NAALADL2: variants seen among roughly 807,000 people sequenced by gnomAD.
NAALADL2 encodes the protein inactive N-acetylated-alpha-linked acidic dipeptidase-like protein 2.
Under a neutral mutation model 87.2 loss-of-function variants are expected in NAALADL2, and 76 were observed. The ratio of observed to expected loss-of-function variants is 0.87; its 90% CI spans 0.72 to 1.05. The LOEUF is 1.05. Among genes scored for constraint, NAALADL2 ranks in the 50% least tolerant of loss-of-function variants. The probability of loss-of-function intolerance (pLI) is 0.00; values close to 1 mark genes in which losing one functional copy is unlikely to be tolerated. For synonymous variants in NAALADL2, 354 were observed against 331.0 expected (o/e 1.07, Z -0.75); for missense variants, 1,089 against 945.8 (o/e 1.15, Z -1.99).
intron 1 of NAALADL2, among the ~76,000 whole-genome samples, chr3:175,035,493 T>C (rs1056556933): frequency 3.3e-5 from 5 of 152,082 alleles, no homozygotes; most frequent in African/African-American, 4.8e-5. Context: ...TGGGCCTTTT[T>C]CCCTGACTCT....
At chr3:175,233,423 T>TTTTTG (rs1005915195) in intron 2 of NAALADL2, among the ~76,000 whole-genome samples, 1 of 152,022 alleles carries the variant, frequency 6.6e-6, no homozygotes, top group Non-Finnish European at 1.5e-5. Context: ...TTAGTGGGTT[T>TTTTTG]TTTTGTTTTG....
intron 5 of NAALADL2, among the ~76,000 whole-genome samples, chr3:175,370,573 G>GT (rs1015171843): frequency 6.6e-6 from 1 of 152,004 alleles, no homozygotes; most frequent in Non-Finnish European, 1.5e-5. Context: ...ACTGATGGCC[G>GT]TAAGAGTCAC....
chr3:175,250,026 G>A (rs577754797), intron 3 of NAALADL2, among the ~76,000 whole-genome samples: 59 of 152,052 alleles, frequency 3.9e-4, no homozygotes, highest in Non-Finnish European at 7.8e-4. Context: ...AAAATTAGCC[G>A]GGCGTGGTGG....
chr3:174,727,349 C>A (rs7644550), intron 2 of NAALADL2, among the ~76,000 whole-genome samples: 1,798 of 151,642 alleles, frequency 0.012, 35 homozygotes, highest in African/African-American at 0.041. Flanking sequence ...ATTTCCTTTC[C>A]CAAAATGGGT....
At chr3:175,211,386 A>T (rs1741745435) in intron 2 of NAALADL2, among the ~76,000 whole-genome samples, 1 of 151,960 alleles carries the variant, frequency 6.6e-6, no homozygotes, top group African/African-American at 2.4e-5. Context: ...TAATCTAAGG[A>T]GAAGTAGCTC....
intron 1 of NAALADL2, among the ~76,000 whole-genome samples, chr3:174,497,268 T>G (rs1252059463): frequency 6.6e-6 from 1 of 152,120 alleles, no homozygotes; most frequent in East Asian, 1.9e-4. Flanking sequence ...AGGAAGAACT[T>G]GTTGTCTTCC....
intron 2 of NAALADL2, among the ~76,000 whole-genome samples, chr3:175,117,342 A>G (rs1334890226): frequency 6.6e-6 from 1 of 152,152 alleles, no homozygotes; most frequent in Non-Finnish European, 1.5e-5. Flanking sequence ...AGAATGGGAG[A>G]AAATTTTTAC....
intron 2 of NAALADL2, among the ~76,000 whole-genome samples, chr3:175,151,749 T>C (rs1221599834): frequency 6.6e-6 from 1 of 152,080 alleles, no homozygotes; most frequent in African/African-American, 2.4e-5. Context: ...ATGTAAAAAA[T>C]AGAACTTTTT....
intron 1 of NAALADL2, among the ~76,000 whole-genome samples, chr3:174,870,577 A>G (rs1043333151): frequency 6.9e-6 from 1 of 145,562 alleles, no homozygotes; most frequent in African/African-American, 2.6e-5. Context: ...ATTATTATCA[A>G]TAATAACAAA....
chr3:175,406,020 A>G (rs1712296070), intron 5 of NAALADL2, among the ~76,000 whole-genome samples: 1 of 152,216 alleles, frequency 6.6e-6, no homozygotes, highest in Non-Finnish European at 1.5e-5. Flanking sequence ...TTGGTAATAA[A>G]TAGGACAGAC....
intron 1 of NAALADL2, among the ~76,000 whole-genome samples, chr3:175,087,581 T>G (rs767814755): frequency 3.3e-5 from 5 of 152,186 alleles, no homozygotes; most frequent in Non-Finnish European, 7.3e-5. Context: ...TCTTCTGCCT[T>G]GGGATGCTGT....
intron 11 of NAALADL2, among the ~76,000 whole-genome samples, chr3:175,687,482 C>A (rs1736455558): frequency 6.6e-6 from 1 of 152,124 alleles, no homozygotes; most frequent in African/African-American, 2.4e-5. Flanking sequence ...ATAACAGCCG[C>A]ATTTAATCTT....
intron 5 of NAALADL2, among the ~76,000 whole-genome samples, chr3:175,433,581 C>T (rs184197053): frequency 7.9e-5 from 12 of 152,080 alleles, no homozygotes; most frequent in Non-Finnish European, 1.0e-4. Flanking sequence ...CTATGGCCTT[C>T]GCTGTGACTT....
chr3:175,065,419 A>G (rs746800432), intron 1 of NAALADL2, among the ~76,000 whole-genome samples: 12 of 152,224 alleles, frequency 7.9e-5, no homozygotes, highest in Non-Finnish European at 1.3e-4. Context: ...CTGATTCTAC[A>G]TAGAATTTGC....
Position 174,709,481 on chromosome 3 carries a change from C to A in NAALADL2, c.-114-28160C>A, listed in dbSNP as rs1578631657. On this transcript the variant is annotated intron_variant, in intron 2 of 3. Transcript: ENST00000434257. The stretch of plus-strand genomic sequence containing the variant: ...AAGAAGGCCTAACACTGAAAAACAA[C>A]TCCAAGAAGATGATTCTGGGTTTCT... 2.6e-5 allele frequency among the ~76,000 whole-genome samples: 4 copies of A among 152,208 alleles called. No homozygotes were observed. The South Asian group carries it at 8.3e-4, about 32-fold the overall frequency.
chr3:174,813,573 G>T (rs746690654), intron 3 of NAALADL2, among the ~76,000 whole-genome samples: 1 of 152,122 alleles, frequency 6.6e-6, no homozygotes, highest in African/African-American at 2.4e-5. Flanking sequence ...TATGATGTTC[G>T]CATAAAGATG....
chr3:175,779,149 T>G (rs1049092478), intron 13 of NAALADL2, among the ~76,000 whole-genome samples: 9 of 151,966 alleles, frequency 5.9e-5, no homozygotes, highest in African/African-American at 2.2e-4. Flanking sequence ...TGTAGATTTT[T>G]GTCAGCCTCC....
At chr3:174,894,643 A>AAAAAAT (rs1731280580) in intron 1 of NAALADL2, among the ~76,000 whole-genome samples, 2 of 128,192 alleles carry the variant, frequency 1.6e-5, no homozygotes, top group African/African-American at 5.8e-5. Flanking sequence ...AAAAAAAAAA[A>AAAAAAT]TCAGTGAAGA....
intron 10 of NAALADL2, among the ~76,000 whole-genome samples, chr3:175,626,953 A>G (rs1159280621): frequency 1.3e-5 from 2 of 151,872 alleles, no homozygotes; most frequent in Non-Finnish European, 2.9e-5. Flanking sequence ...CACCATCTAG[A>G]TGATTAGATG....
Sources: gnomAD v4.1 joint callset for allele counts (sites outside exome capture counted in the v4.1 genomes callset) on GRCh38, gnomAD v4.1.1 for gene constraint, MANE v1.5 for transcripts, NCBI Gene and HGNC (gene_info 2026-07-23, HGNC 2026-07-21) for gene names.